Variants in KANK1 observed in about 807,000 individuals in gnomAD.
The protein encoded by KANK1 is KN motif and ankyrin repeat domain-containing protein 1.
KANK1 carries 109 observed loss-of-function variants against 106.2 expected under a neutral mutation model. That is an observed-to-expected ratio of 1.03 (90% CI 0.88 to 1.20). The LOEUF is 1.20. Among genes scored for constraint, KANK1 ranks in the 50% most tolerant of loss-of-function variants. The probability of loss-of-function intolerance (pLI) is 0.00; values close to 1 mark genes in which losing one functional copy is unlikely to be tolerated. For missense variants in KANK1, 2,399 were observed against 1,710.7 expected (o/e 1.40, Z -7.10); for synonymous variants, 873 against 652.2 (o/e 1.34, Z -5.16).
intron 3 of KANK1, among the ~76,000 whole-genome samples, chr9:722,850 C>T (rs1829718174): frequency 6.6e-6 from 1 of 152,116 alleles, no homozygotes; most frequent in Non-Finnish European, 1.5e-5. Flanking sequence ...GGACAGGACA[C>T]CAAATAAGAA....
intron 1 of KANK1, among the ~76,000 whole-genome samples, chr9:517,209 T>C (rs1456185778): frequency 1.3e-5 from 2 of 151,808 alleles, no homozygotes; most frequent in Non-Finnish European, 2.9e-5. Context: ...GTTCAAGCAG[T>C]TCTCCTGCCT....
intron 1 of KANK1, among the ~76,000 whole-genome samples, chr9:532,688 A>G (rs1387464450): frequency 6.6e-6 from 1 of 152,114 alleles, no homozygotes; most frequent in East Asian, 1.9e-4. Flanking sequence ...TTTGCCCTTT[A>G]AGCCTTACCC....
At chr9:663,375 G>C (rs1843803634) in intron 1 of KANK1, among the ~76,000 whole-genome samples, 2 of 152,150 alleles carry the variant, frequency 1.3e-5, no homozygotes, top group African/African-American at 4.8e-5. Context: ...ATAAAGTCAA[G>C]GTTTAGGTGT....
intron 1 of KANK1, among the ~76,000 whole-genome samples, chr9:637,885 C>G (rs1563906989): frequency 6.6e-6 from 1 of 152,110 alleles, no homozygotes; most frequent in Non-Finnish European, 1.5e-5. Flanking sequence ...CCAAAAGCAG[C>G]TTTTGGGGTT....
chr9:617,871 G>T lies in KANK1; in HGVS notation c.-83-59019G>T, dbSNP rs573640559. On this transcript the variant is annotated intron_variant, in intron 1 of 11. Transcript: ENST00000382297. ...CTGTCTTTTGTGAAAAAGAAAGCAC[G>T]TATTTATAGAATGGAATTTCTTACT... 5.3e-5 allele frequency among the ~76,000 whole-genome samples: 8 copies of T among 152,268 alleles called. No individual in the cohort carries two copies. The South Asian group carries it at 1.7e-3, about 32-fold the overall frequency.
At chr9:686,812 G>C in intron 2 of KANK1, 2 of 985,358 alleles carry the variant, frequency 2.0e-6, no homozygotes, top group Non-Finnish European at 2.4e-6. Context: ...GTTCTCTGAG[G>C]AACATGCTAG....
rs1296309113 is a variant in KANK1 at position 711,358 on chromosome 9, T to C, written c.592T>C (p.Ser198Pro). 6.2e-7 allele frequency: 1 copy of C among 1,614,006 alleles called. No individual in the cohort carries two copies. ...CATGGGCACCACAAGCTCCCTCCCTTCTTTTGTGGGTTCTGGAAACCACAA... is the reference window on the plus strand; with the variant it reads ...CATGGGCACCACAAGCTCCCTCCCTCCTTTTGTGGGTTCTGGAAACCACAA... The part of the protein sequence containing the change: ...GGMGTTSSLP[S>P]FVGSGNHNPA... The change falls in exon 3 of 12, where the codon TCT (serine) becomes CCT (proline). Residue 198 changes from serine (S) to proline (P), a missense_variant. By Grantham distance (74) the Ser-to-Pro change is moderately conservative (BLOSUM62 -1). Coordinates refer to ENST00000382297, the MANE Select transcript of KANK1 (RefSeq NM_015158.5).
At chr9:702,436 G>A (rs951385586) in intron 2 of KANK1, among the ~76,000 whole-genome samples, 8 of 152,184 alleles carry the variant, frequency 5.3e-5, no homozygotes, top group East Asian at 3.9e-4. Context: ...CATTTTGTTC[G>A]GTGCCCCCAG....
intron 1 of KANK1, among the ~76,000 whole-genome samples, chr9:670,088 A>C (rs953464720): frequency 2.0e-5 from 3 of 152,054 alleles, no homozygotes; most frequent in Non-Finnish European, 4.4e-5. Context: ...TTATCACTTC[A>C]ATCTCTGTTA....
intron 1 of KANK1, among the ~76,000 whole-genome samples, chr9:639,572 C>G (rs2137088129): frequency 6.6e-6 from 1 of 152,242 alleles, no homozygotes; most frequent in East Asian, 1.9e-4. Flanking sequence ...CCACCTCGGC[C>G]TCCCAAAGTT....
At chr9:550,390 A>G (rs2061204695) in intron 1 of KANK1, among the ~76,000 whole-genome samples, 1 of 152,192 alleles carries the variant, frequency 6.6e-6, no homozygotes, top group Admixed American at 6.5e-5. Flanking sequence ...ATGAAGCCTG[A>G]TTGCAGATCT....
intron 8 of KANK1, among the ~76,000 whole-genome samples, chr9:739,562 C>G (rs1015586664): frequency 2.0e-5 from 3 of 152,138 alleles, no homozygotes; most frequent in East Asian, 1.9e-4. Flanking sequence ...TTCAGGCTTT[C>G]TAGACTATAA....
In KANK1 at chr9:745,696, A is replaced by G. The variant is rs1330576518; in HGVS notation, c.*461A>G. 1 of 152,604 alleles carries G rather than the reference A, an allele frequency of 6.6e-6. No individual in the cohort carries two copies. Among genetic ancestry groups the G allele is most frequent in the Non-Finnish European group, 1.5e-5 (1 of 68,190 alleles). The allele number at this position is 152,604 out of a possible 1,614,324, so 9.5% of individuals were successfully genotyped here. A position where few individuals can be genotyped will look rare whatever the true frequency, so the allele number is the denominator to read the frequency against. On this transcript the variant is annotated 3_prime_UTR_variant, in exon 12 of 12. Transcript: ENST00000382297. Reference sequence around the variant, plus strand: ...GTCTTATTTTAAAATAAGGAAGTCGAGATGACTTTGATCATTGGTAACTTG... The same window carrying G: ...GTCTTATTTTAAAATAAGGAAGTCGGGATGACTTTGATCATTGGTAACTTG...
In KANK1 at chr9:712,630, C is replaced by G; in HGVS notation, c.1864C>G (p.Leu622Val). The change falls in exon 3 of 12, where the codon CTC (leucine) becomes GTC (valine). Residue 622 changes from leucine to valine, a missense_variant. Transcript: ENST00000382297. Reference sequence around the variant, plus strand: ...CACACTCCTCAAGACAAACTTGAATCTCAAAGAAGTGCGGTCTATCGGTTG... The same window carrying G: ...CACACTCCTCAAGACAAACTTGAATGTCAAAGAAGTGCGGTCTATCGGTTG... ...DLTLLKTNLN[L>V]KEVRSIGCGD... 1 of 1,614,168 alleles carries G rather than the reference C, an allele frequency of 6.2e-7. No homozygotes were observed. Among genetic ancestry groups the G allele is most frequent in the East Asian group, 2.2e-5 (1 of 44,882 alleles).
At chr9:705,168 C>T (rs10975941) in intron 2 of KANK1, among the ~76,000 whole-genome samples, 4,434 of 152,156 alleles carry the variant, frequency 0.029, 292 homozygotes, top group East Asian at 0.25. Flanking sequence ...TTCAGAGCAT[C>T]AAGATGTTTT....
intron 1 of KANK1, among the ~76,000 whole-genome samples, chr9:563,140 C>T (rs1349872876): frequency 6.6e-6 from 1 of 151,204 alleles, no homozygotes; most frequent in Non-Finnish European, 1.5e-5. Flanking sequence ...TGTTCTGTAG[C>T]TCTATTGTGT....
intron 1 of KANK1, among the ~76,000 whole-genome samples, chr9:613,305 G>C (rs16921122): frequency 0.082 from 12,335 of 150,376 alleles, 1,705 homozygotes; most frequent in African/African-American, 0.28. Context: ...CAGCACACTA[G>C]ATAGCAAGTA....
chr9:647,745 A>T (rs548492068), intron 1 of KANK1, among the ~76,000 whole-genome samples: 4 of 150,952 alleles, frequency 2.6e-5, no homozygotes, highest in South Asian at 2.1e-4. Flanking sequence ...ACAAATACTA[A>T]AGAAAGTGCC....
chr9:690,154 A>AAAAAAAC (rs1819560066), intron 2 of KANK1, among the ~76,000 whole-genome samples: 1 of 149,854 alleles, frequency 6.7e-6, no homozygotes, highest in Non-Finnish European at 1.5e-5. Flanking sequence ...AAAAAAAAAA[A>AAAAAAAC]AACTAGCTGG....
Sources: gnomAD v4.1 joint callset for allele counts (sites outside exome capture counted in the v4.1 genomes callset) on GRCh38, gnomAD v4.1.1 for gene constraint, MANE v1.5 for transcripts, NCBI Gene and HGNC (gene_info 2026-07-23, HGNC 2026-07-21) for gene names.